The following VAX2 variants were observed in gnomAD, a reference collection of about 807,000 sequenced individuals.
VAX2 encodes ventral anterior homeobox 2.
In VAX2, 8 loss-of-function variants were observed where a neutral mutation model predicts 12.5. That is an observed-to-expected ratio of 0.64 (90% confidence interval 0.37 to 1.15). The LOEUF (loss-of-function observed/expected upper bound fraction) is 1.15. Among genes scored for constraint, VAX2 ranks in the 50% most tolerant of loss-of-function variants. The pLI is 0.01. For synonymous variants in VAX2, 183 were observed against 187.6 expected (o/e 0.98, Z 0.20); for missense variants, 476 against 412.9 (o/e 1.15, Z -1.32).
At chr2:70,922,214 CT>C (rs570267876) in intron 2 of VAX2, among the ~76,000 whole-genome samples, 4 of 152,192 alleles carry the variant, frequency 2.6e-5, no homozygotes, top group Non-Finnish European at 5.9e-5. Context: ...GTAGTTTGCT[CT>C]CATATATGAG....
chr2:70,916,945 G>A (rs903735595), intron 1 of VAX2, among the ~76,000 whole-genome samples: 1 of 152,112 alleles, frequency 6.6e-6, no homozygotes. Context: ...GAGGTCAGGA[G>A]TTCGAGACCA....
At chr2:70,914,892 C>T (rs186914874) in intron 1 of VAX2, among the ~76,000 whole-genome samples, 2 of 151,772 alleles carry the variant, frequency 1.3e-5, no homozygotes, top group Admixed American at 6.6e-5. Context: ...ACCTCTCCCT[C>T]CCAGGTTCAA....
intron 2 of VAX2, among the ~76,000 whole-genome samples, chr2:70,927,295 G>A (rs1208740653): frequency 1.3e-5 from 2 of 151,744 alleles, no homozygotes; most frequent in Admixed American, 1.3e-4. Context: ...CAGCTGGGCT[G>A]GAGGACGTTC....
chr2:70,908,272 C>T (rs143465105), intron 1 of VAX2, among the ~76,000 whole-genome samples: 18 of 152,274 alleles, frequency 1.2e-4, no homozygotes, highest in African/African-American at 4.3e-4. Context: ...CTCAAGTGCT[C>T]ACATAGCTGG....
rs1553414643 is a variant in VAX2 at position 70,933,102 on chromosome 2, T to C, written c.771T>C (p.Asp257=). Residue 257 remains aspartate, a synonymous_variant, in exon 3 of 3, where the codon GAT becomes GAC. Transcript: ENST00000234392. ...GCTTTTCCTCGGCCCCGCTCCTGGA[T>C]CTGCCTGCCGGCTACGAACTGGGTT... The part of the protein sequence containing the change: ...AVCFSSAPLL[D]LPAGYELGSS... 1 of 1,610,164 alleles carries C rather than the reference T, an allele frequency of 6.2e-7. No homozygotes were observed.
At chr2:70,906,520 C>CTT (rs869309305) in intron 1 of VAX2, among the ~76,000 whole-genome samples, 2,660 of 60,476 alleles carry the variant, frequency 0.044, 524 homozygotes, top group African/African-American at 0.14. Context: ...TTTTCTTTTC[C>CTT]TTTTTTTTTT....
intron 2 of VAX2, among the ~76,000 whole-genome samples, chr2:70,930,833 T>C (rs1472354616): frequency 6.6e-6 from 1 of 152,254 alleles, no homozygotes; most frequent in Non-Finnish European, 1.5e-5. Context: ...AAGGTCTTCC[T>C]GACCTTTTCT....
At chr2:70,924,566 C>T (rs1443692379) in intron 2 of VAX2, among the ~76,000 whole-genome samples, 6 of 151,980 alleles carry the variant, frequency 3.9e-5, no homozygotes, top group Middle Eastern at 3.2e-3. Context: ...AGATAACTTG[C>T]TCAAGACTTG....
chr2:70,906,183 C>T (rs1025188549), intron 1 of VAX2, among the ~76,000 whole-genome samples: 1 of 152,228 alleles, frequency 6.6e-6, no homozygotes, highest in South Asian at 2.1e-4. Flanking sequence ...ATCCCTGCGG[C>T]GAGACAGGTC....
At chr2:70,915,856 A>G (rs966414874) in intron 1 of VAX2, among the ~76,000 whole-genome samples, 1 of 151,968 alleles carries the variant, frequency 6.6e-6, no homozygotes, top group Non-Finnish European at 1.5e-5. Flanking sequence ...TTCCCATGCT[A>G]TTGTTTCCCC....
intron 1 of VAX2, among the ~76,000 whole-genome samples, chr2:70,920,203 A>G (rs1382711466): frequency 6.6e-6 from 1 of 152,324 alleles, no homozygotes; most frequent in East Asian, 1.9e-4. Context: ...GTGATGCTGC[A>G]TATTTCCACA....
chr2:70,932,637 A>AGCCCC, intron 2 of VAX2, 130 bp from the exon 3 acceptor site: 1 of 144,554 alleles, frequency 6.9e-6, no homozygotes, highest in Non-Finnish European at 1.5e-5. Context: ...CCACCCTCAC[A>AGCCCC]CCCCACCCCC....
Position 70,916,730 on chromosome 2 carries a change from A to G in VAX2, c.248-4368A>G, listed in dbSNP as rs147916360. On this transcript the variant is annotated intron_variant, in intron 1 of 2. Transcript: ENST00000234392. ...TTTTTCCTGAGTAGTATCCCAGAGT[A>G]CAGTTACACCACAGTTTGTTTAACC... Among the ~76,000 whole-genome samples the G allele has an allele frequency of 1.1e-3, 162 of 152,290 alleles. 1 individual carries two copies. Among genetic ancestry groups the G allele is most frequent in the African/African-American group, 3.7e-3 (153 of 41,558 alleles).
chr2:70,920,548 TG>T, intron 1 of VAX2, among the ~76,000 whole-genome samples: 1 of 152,080 alleles, frequency 6.6e-6, no homozygotes, highest in East Asian at 1.9e-4. Context: ...CTCCCCAGAC[TG>T]TCCTCTACCG....
chr2:70,933,324 C>A lies in VAX2; in HGVS notation c.*120C>A. The A allele has an allele frequency of 2.9e-6, 3 of 1,037,104 alleles. No homozygotes were observed. The highest frequency in any genetic ancestry group is 3.9e-6 in the Non-Finnish European group (3 of 775,046). 64.2% of individuals were successfully genotyped at this position (1,037,104 alleles called of 1,614,324 possible). On this transcript the variant is annotated 3_prime_UTR_variant, in exon 3 of 3. Coordinates refer to ENST00000234392, the MANE Select transcript of VAX2 (RefSeq NM_012476.3). ...GCTGCAGCCACACACTCTTCCCCAC[C>A]TGCCCCCCAGCTCAGAGACTCGTGA...
rs1678910663 is a variant in VAX2 at position 70,900,984 on chromosome 2, A to G, written c.247+116A>G. The G allele has an allele frequency of 3.8e-6, 4 of 1,051,800 alleles. No homozygotes were observed. In the South Asian group the frequency reaches 1.3e-4, roughly 34 times the overall value. The allele number at this position is 1,051,800 out of a possible 1,614,324, so 65.2% of individuals were successfully genotyped here. On this transcript the variant is annotated intron_variant, in intron 1 of 2. Transcript: ENST00000234392. ...TCATATATTCATTCATTCGTCATCC[A>G]GTCATTCATTCAGCAAATATTATTT...
rs139309761 is a variant in VAX2, at chr2:70,933,069, A to T, written c.738A>T (p.Pro246=). ...SASPPLPPPL[P]AVCFSSAPLL... is the part of the protein sequence containing the mutation. ...CCCCCCCACTGCCGCCCCCTCTGCC[A>T]GCTGTCTGCTTTTCCTCGGCCCCGC... Residue 246 remains proline (P), a synonymous_variant, in exon 3 of 3, where the codon CCA becomes CCT. Coordinates refer to ENST00000234392, the MANE Select transcript of VAX2 (RefSeq NM_012476.3). The T allele has an allele frequency of 6.2e-7, 1 of 1,608,372 alleles. No homozygotes were observed. The highest frequency in any genetic ancestry group is 8.5e-7 in the Non-Finnish European group (1 of 1,177,642).
rs371015613 is a variant in VAX2, at chr2:70,933,316, T to C, written c.*112T>C. The C allele has an allele frequency of 1.4e-4, 147 of 1,067,002 alleles. No homozygotes were observed. The African/African-American group carries it at 2.1e-3, about 15-fold the overall frequency. 66.1% of individuals were successfully genotyped at this position (1,067,002 alleles called of 1,614,324 possible). On this transcript the variant is annotated 3_prime_UTR_variant, in exon 3 of 3. Transcript: ENST00000234392. ...GAGGAGGGGCTGCAGCCACACACTCTTCCCCACCTGCCCCCCAGCTCAGAG... is the reference window on the plus strand; with the variant it reads ...GAGGAGGGGCTGCAGCCACACACTCCTCCCCACCTGCCCCCCAGCTCAGAG...
At chr2:70,926,819 G>A (rs563999563) in intron 2 of VAX2, among the ~76,000 whole-genome samples, 8 of 151,614 alleles carry the variant, frequency 5.3e-5, no homozygotes, top group Admixed American at 2.6e-4. Context: ...TTAGCCCACC[G>A]AGTCATCACA....
Sources: allele counts gnomAD v4.1 joint callset (sites outside exome capture counted in the v4.1 genomes callset), GRCh38; gene constraint gnomAD v4.1.1; transcripts MANE v1.5; gene names NCBI Gene and HGNC (gene_info 2026-07-23, HGNC 2026-07-21).